The following TBC1D22A variants were observed in gnomAD, a reference collection of about 807,000 sequenced individuals.
The protein encoded by TBC1D22A is putative GTPase activator.
Under a neutral mutation model 60.2 loss-of-function variants are expected in TBC1D22A, and 38 were observed. That is an observed-to-expected ratio of 0.63 (90% CI 0.49 to 0.83). The LOEUF is 0.83. Among genes scored for constraint, TBC1D22A ranks in the 40% least tolerant of loss-of-function variants. The pLI is 0.00. For synonymous variants in TBC1D22A, 302 were observed against 281.7 expected, an observed-to-expected ratio of 1.07 and a Z score of -0.72; for missense variants, 628 against 701.0, an observed-to-expected ratio of 0.90 and a Z score of 1.18.
chr22:46,861,893 A>G (rs1334057112), intron 4 of TBC1D22A, among the ~76,000 whole-genome samples: 1 of 152,168 alleles, frequency 6.6e-6, no homozygotes, highest in African/African-American at 2.4e-5. Flanking sequence ...CCATGAGAAC[A>G]TGTCTGTAGA....
Position 46,961,935 on chromosome 22 carries a change from T to G in TBC1D22A, c.1016-12355T>G, listed in dbSNP as rs537530162. Among the ~76,000 whole-genome samples the G allele has an allele frequency of 2.0e-5, 3 of 152,178 alleles. No homozygotes were observed. In the South Asian group the frequency reaches 6.2e-4, roughly 31 times the overall value. Reference sequence around the variant, plus strand: ...TGTATTTTGACAGATTTATCCAGATTGTGTGAGTTGGATTGTTTGGTTTCC... The same window carrying G: ...TGTATTTTGACAGATTTATCCAGATGGTGTGAGTTGGATTGTTTGGTTTCC... On this transcript the variant is annotated intron_variant, in intron 8 of 12. Coordinates refer to ENST00000337137, the MANE Select transcript of TBC1D22A (RefSeq NM_014346.5).
At chr22:46,918,173 C>T (rs978793798) in intron 8 of TBC1D22A, among the ~76,000 whole-genome samples, 5 of 152,232 alleles carry the variant, frequency 3.3e-5, no homozygotes, top group East Asian at 1.9e-4. Context: ...TTGTGATCAT[C>T]GTTACTGTCA....
intron 10 of TBC1D22A, among the ~76,000 whole-genome samples, chr22:47,001,086 A>G (rs1198297579): frequency 1.3e-5 from 2 of 152,156 alleles, no homozygotes; most frequent in Non-Finnish European, 2.9e-5. Flanking sequence ...AGAAATGCCC[A>G]TACAGTTTGT....
chr22:47,117,517 G>T (rs2066112539), intron 12 of TBC1D22A, among the ~76,000 whole-genome samples: 2 of 90,206 alleles, frequency 2.2e-5, no homozygotes, highest in South Asian at 1.1e-3. Flanking sequence ...CGAGCAGGGA[G>T]AGTCACCCCA....
At chr22:47,049,275 T>C (rs1424356521) in intron 11 of TBC1D22A, among the ~76,000 whole-genome samples, 2 of 152,294 alleles carry the variant, frequency 1.3e-5, no homozygotes, top group Non-Finnish European at 2.9e-5. Flanking sequence ...ACCTCCCAGC[T>C]CCTGGGCGAA....
chr22:46,967,131 G>C (rs1330476745), intron 8 of TBC1D22A, among the ~76,000 whole-genome samples: 1 of 152,234 alleles, frequency 6.6e-6, no homozygotes. Flanking sequence ...GTCGGGAACT[G>C]TGACTGTGGT....
chr22:46,928,012 A>G (rs193172740), intron 8 of TBC1D22A, among the ~76,000 whole-genome samples: 19 of 152,336 alleles, frequency 1.2e-4, no homozygotes, highest in Admixed American at 1.2e-3. Context: ...AATTGATGTA[A>G]AGATTCAGTG....
intron 1 of TBC1D22A, among the ~76,000 whole-genome samples, chr22:46,788,309 C>T (rs2146857486): frequency 6.6e-6 from 1 of 152,222 alleles, no homozygotes; most frequent in South Asian, 2.1e-4. Context: ...ATGATATCTG[C>T]CTTATTGGGT....
rs2087121783 is a variant in TBC1D22A, at chr22:46,848,488, C to T, written c.638-30165C>T. 2.0e-5 allele frequency among the ~76,000 whole-genome samples: 3 copies of T among 152,300 alleles called. No individual in the cohort carries two copies. In the South Asian group the frequency reaches 6.2e-4, roughly 32 times the overall value. ...CATCGAGGCTCTGATTTCAGAGCAGCCTGTATGGTTCTCTAAGCCGAGGGA... is the reference window on the plus strand; with the variant it reads ...CATCGAGGCTCTGATTTCAGAGCAGTCTGTATGGTTCTCTAAGCCGAGGGA... On this transcript the variant is annotated intron_variant, in intron 4 of 12. Coordinates refer to ENST00000337137, the MANE Select transcript of TBC1D22A (RefSeq NM_014346.5).
At position 46,793,632 on chromosome 22, in the gene TBC1D22A, T is replaced by C. The variant is rs375204935; in HGVS notation, c.251T>C (p.Met84Thr). ...AGEDDDELLA[M>T]AAESLNSEVV... ...GAGGACGACGATGAGCTCCTGGCCATGGCGGCGGAGAGCCTGAACTCCGAG... is the reference window on the plus strand; with the variant it reads ...GAGGACGACGATGAGCTCCTGGCCACGGCGGCGGAGAGCCTGAACTCCGAG... Residue 84 changes from methionine (M) to threonine (T), a missense_variant, in exon 3 of 13, where the codon ATG (methionine) becomes ACG (threonine). Physicochemically the swap from Met to Thr is moderately conservative, Grantham distance 81 (BLOSUM62 -1). Transcript: ENST00000337137. 1.9e-6 allele frequency: 3 copies of C among 1,613,650 alleles called. No individual in the cohort carries two copies. Among genetic ancestry groups the C allele is most frequent in the African/African-American group, 1.3e-5 (1 of 74,920 alleles).
At position 47,065,922 on chromosome 22, in the gene TBC1D22A, A is replaced by C. The variant is rs146510849; in HGVS notation, c.1329+28724A>C. Among the ~76,000 whole-genome samples, 63 of 152,196 alleles carry C rather than the reference A, an allele frequency of 4.1e-4. No homozygotes were observed. In the East Asian group the frequency reaches 0.011, roughly 26 times the overall value. ...CCCTGGGAATACACTGAGTGAGTGG[A>C]CCTTGGGCACACTGGACCCATGCCT... On this transcript the variant is annotated intron_variant, in intron 11 of 12. Coordinates refer to ENST00000337137, the MANE Select transcript of TBC1D22A (RefSeq NM_014346.5).
chr22:46,857,905 C>T (rs2087651758), intron 4 of TBC1D22A, among the ~76,000 whole-genome samples: 1 of 152,168 alleles, frequency 6.6e-6, no homozygotes, highest in African/African-American at 2.4e-5. Flanking sequence ...GGTGTTTCCA[C>T]TTTTTGACAG....
chr22:46,861,430 G>T (rs2087879416), intron 4 of TBC1D22A, among the ~76,000 whole-genome samples: 1 of 152,192 alleles, frequency 6.6e-6, no homozygotes, highest in Non-Finnish European at 1.5e-5. Flanking sequence ...TTTACCAGTG[G>T]CTTGCAGGTT....
chr22:46,974,524 C>T, intron 9 of TBC1D22A, 125 bp downstream of exon 9: 2 of 775,230 alleles, frequency 2.6e-6, no homozygotes, highest in Non-Finnish European at 4.3e-6. Flanking sequence ...CCTCACTTTT[C>T]TACATCTGGA....
intron 8 of TBC1D22A, chr22:46,915,500 C>CAGCT: frequency 2.2e-6 from 1 of 456,724 alleles, no homozygotes; most frequent in South Asian, 1.5e-5. Context: ...ACCTTTGGTG[C>CAGCT]AGCTGCCAGT....
chr22:46,825,772 G>C (rs532906814), intron 4 of TBC1D22A, among the ~76,000 whole-genome samples: 2 of 152,040 alleles, frequency 1.3e-5, no homozygotes, highest in African/African-American at 4.8e-5. Context: ...ACCACACCCA[G>C]CCTAAACTGA....
chr22:46,847,398 A>G (rs1229615320), intron 4 of TBC1D22A, among the ~76,000 whole-genome samples: 2 of 152,194 alleles, frequency 1.3e-5, no homozygotes, highest in East Asian at 3.9e-4. Context: ...AGACGTACCC[A>G]GTAGGTCCTA....
Position 46,792,567 on chromosome 22 carries a change from T to TA in TBC1D22A, c.111dup (p.His38ThrfsTer28), listed in dbSNP as rs760278206. 1 of 1,614,236 alleles carries TA rather than the reference T, an allele frequency of 6.2e-7. No individual in the cohort carries two copies. The highest frequency in any genetic ancestry group is 1.1e-5 in the South Asian group (1 of 91,086). ...CAGCACCCCCCCTTTGATCCACTGT[T>TA]ACATGGCACGTAAGTGACGTTCCAA... On this transcript the variant is annotated frameshift_variant, in exon 2 of 13. Transcript: ENST00000337137. LOFTEE classifies it high-confidence loss of function.
chr22:46,958,176 T>C (rs1330884780), intron 8 of TBC1D22A, among the ~76,000 whole-genome samples: 2 of 152,174 alleles, frequency 1.3e-5, no homozygotes, highest in East Asian at 3.9e-4. Flanking sequence ...TTTATATTTC[T>C]ACATGGCACC....
Sources: gnomAD v4.1 joint callset for allele counts (sites outside exome capture counted in the v4.1 genomes callset) on GRCh38, gnomAD v4.1.1 for gene constraint, MANE v1.5 for transcripts, NCBI Gene and HGNC (gene_info 2026-07-23, HGNC 2026-07-21) for gene names.